Variants in NEO1 observed in about 807,000 individuals in gnomAD.
NEO1 encodes neogenin.
A neutral mutation model predicts 159.7 loss-of-function variants in NEO1; 63 were observed. The observed-to-expected ratio is 0.39, with a 90% CI of 0.32 to 0.49. NEO1 has a LOEUF of 0.49. NEO1 is among the 20% of genes least tolerant of loss of function. The pLI is 0.85. For synonymous variants in NEO1, 633 were observed against 662.0 expected (o/e 0.96, Z 0.67); for missense variants, 1,615 against 1,831.0 (o/e 0.88, Z 2.15).
intron 28 of NEO1, 178 bp downstream of exon 28, chr15:73,301,635 T>A: frequency 1.2e-6 from 1 of 804,098 alleles, no homozygotes; most frequent in East Asian, 2.7e-5. Flanking sequence ...CCGGGAACTG[T>A]GCTGAGGACT....
intron 8 of NEO1, among the ~76,000 whole-genome samples, chr15:73,237,565 A>G (rs1176568924): frequency 6.6e-6 from 1 of 152,206 alleles, no homozygotes; most frequent in Admixed American, 6.5e-5. Context: ...GTTGATGTAC[A>G]TTGTAGTTAA....
chr15:73,197,608 C>T (rs1478544706), intron 7 of NEO1, among the ~76,000 whole-genome samples: 1 of 150,970 alleles, frequency 6.6e-6, no homozygotes, highest in South Asian at 2.1e-4. Context: ...CAGCAGGAAA[C>T]ATTTGTGTTG....
At position 73,116,564 on chromosome 15, in the gene NEO1, C is replaced by A. The variant is rs746979885; in HGVS notation, c.155C>A (p.Pro52Gln). The A allele has an allele frequency of 3.4e-5, 52 of 1,537,918 alleles. No homozygotes were observed. The highest frequency in any genetic ancestry group is 4.3e-5 in the Non-Finnish European group (49 of 1,148,092). The change falls in exon 2 of 29, where the codon CCA (proline) becomes CAA (glutamine). Residue 52 changes from proline (P) to glutamine (Q), a missense_variant. Pro to Gln is a moderately conservative substitution (Grantham distance 76). This residue lies in a region of NEO1 where 1,018 missense variants were observed against 1,115.4 expected (regional missense o/e 0.91). Transcript: ENST00000261908. ...SPGASIRTFT[P>Q]FYFLVEPVDT... ...GGAGCCAGCATTCGAACGTTCACTC[C>A]ATTTTATTTTCTGGTGGAGCCGGTG...
chr15:73,224,108 G>C (rs1407740843), intron 7 of NEO1, among the ~76,000 whole-genome samples: 1 of 152,182 alleles, frequency 6.6e-6, no homozygotes, highest in Non-Finnish European at 1.5e-5. Context: ...TGTTATGTTT[G>C]AGGAGGCTGA....
intron 1 of NEO1, among the ~76,000 whole-genome samples, chr15:73,064,491 G>C (rs1054782087): frequency 1.3e-5 from 2 of 152,074 alleles, no homozygotes; most frequent in African/African-American, 4.8e-5. Context: ...TAGAGACATA[G>C]TCTCACTCTG....
intron 26 of NEO1, among the ~76,000 whole-genome samples, chr15:73,294,213 T>C (rs973227361): frequency 6.6e-6 from 1 of 152,228 alleles, no homozygotes; most frequent in Non-Finnish European, 1.5e-5. Flanking sequence ...GAAACCGCAT[T>C]ATCAAACAGT....
chr15:73,152,737 A>C (rs1434223540), intron 5 of NEO1, among the ~76,000 whole-genome samples: 1 of 152,020 alleles, frequency 6.6e-6, no homozygotes, highest in Non-Finnish European at 1.5e-5. Context: ...GTCTGCAGGT[A>C]GATAGTGTTG....
chr15:73,153,680 T>C (rs1295938387), intron 5 of NEO1, among the ~76,000 whole-genome samples: 8 of 152,242 alleles, frequency 5.3e-5, no homozygotes, highest in African/African-American at 1.9e-4. Flanking sequence ...TAAATGTAAA[T>C]AATGCTTTAT....
chr15:73,158,468 G>A lies in NEO1; in HGVS notation c.1016-17935G>A, dbSNP rs556043073. Among the ~76,000 whole-genome samples the A allele has an allele frequency of 2.4e-4, 37 of 151,916 alleles. No individual in the cohort carries two copies. In the Middle Eastern group the frequency reaches 0.01, roughly 42 times the overall value. On this transcript the variant is annotated intron_variant, in intron 5 of 28. Coordinates refer to ENST00000261908, the MANE Select transcript of NEO1 (RefSeq NM_002499.4). Reference sequence around the variant, plus strand: ...GACTGGAGTGCAGTGTGTGGTCATCGCTCACTGCAGCCTTGACTTCCTGGG... The same window carrying A: ...GACTGGAGTGCAGTGTGTGGTCATCACTCACTGCAGCCTTGACTTCCTGGG...
chr15:73,102,504 A>T (rs557177549), intron 1 of NEO1, among the ~76,000 whole-genome samples: 1 of 152,232 alleles, frequency 6.6e-6, no homozygotes, highest in Admixed American at 6.5e-5. Context: ...ATAGGACTAC[A>T]TTAGAGCTGT....
In NEO1 at chr15:73,298,395, T is replaced by C. The variant is rs746270100; in HGVS notation, c.3949T>C (p.Ser1317Pro). 1.2e-6 allele frequency: 2 copies of C among 1,614,082 alleles called. No homozygotes were observed. The highest frequency in any genetic ancestry group is 2.7e-5 in the African/African-American group (2 of 74,936). ...CACTGACACCATGCCAGCCTCTTCG[T>C]CTCAAACATGCTGCACTGATCACCA... is the stretch of plus-strand genomic sequence containing the variant. The part of the protein sequence containing the change: ...PSTDTMPASS[S>P]QTCCTDHQDP... The change falls in exon 27 of 29, where the codon TCT becomes CCT. Residue 1317 changes from serine to proline, a missense_variant. Ser to Pro is a moderately conservative substitution (Grantham distance 74, BLOSUM62 -1). Around this residue, in one of 3 missense-constraint regions of NEO1, gnomAD observed 471 missense variants for 498.9 expected, o/e 0.94. Transcript: ENST00000261908.
intron 5 of NEO1, among the ~76,000 whole-genome samples, chr15:73,163,577 G>T (rs905563022): frequency 2.6e-5 from 4 of 152,014 alleles, no homozygotes; most frequent in African/African-American, 9.7e-5. Flanking sequence ...GTACCTACAG[G>T]ACTATAATCA....
chr15:73,081,125 A>G (rs2069022977), intron 1 of NEO1, among the ~76,000 whole-genome samples: 1 of 152,138 alleles, frequency 6.6e-6, no homozygotes, highest in South Asian at 2.1e-4. Context: ...GCGTTGCTGT[A>G]ACTTGGGTTT....
At chr15:73,239,654 GC>G (rs2039390900) in intron 8 of NEO1, among the ~76,000 whole-genome samples, 7 of 152,236 alleles carry the variant, frequency 4.6e-5, no homozygotes, top group Admixed American at 3.9e-4. Flanking sequence ...CAGGTTCGTA[GC>G]CTAGAAGCAA....
In NEO1 at chr15:73,293,389, G is replaced by T; in HGVS notation, c.3743-1G>T. On this transcript the variant is annotated splice_acceptor_variant, in intron 25 of 28. Transcript: ENST00000261908. LOFTEE classifies it high-confidence loss of function. ...TTTCTCTGTCTTGTGTTCATTCACA[G>T]CTGTGATTAGTGCCCATCCCATCCA... 2 of 1,614,084 alleles carry T rather than the reference G, an allele frequency of 1.2e-6. No individual in the cohort carries two copies. Among genetic ancestry groups the T allele is most frequent in the South Asian group, 1.1e-5 (1 of 91,072 alleles).
chr15:73,303,348 A>G lies in NEO1; in HGVS notation c.*652A>G, dbSNP rs3209619. ...GCATTGCTGTTTGTAAGCTTTTTTT[A>G]TTATTTTTTTATTATAATTATTAAA... On this transcript the variant is annotated 3_prime_UTR_variant, in exon 29 of 29. Coordinates refer to ENST00000261908, the MANE Select transcript of NEO1 (RefSeq NM_002499.4). 3 of 152,176 alleles carry G rather than the reference A, an allele frequency of 2.0e-5. No homozygotes were observed. Among genetic ancestry groups the G allele is most frequent in the South Asian group, 4.2e-4 (2 of 4,810 alleles). The allele number at this position is 152,176 out of a possible 1,614,324, so 9.4% of individuals were successfully genotyped here.
At chr15:73,226,744 TAAC>T (rs1402043363) in intron 7 of NEO1, among the ~76,000 whole-genome samples, 1 of 152,180 alleles carries the variant, frequency 6.6e-6, no homozygotes, top group Non-Finnish European at 1.5e-5. Flanking sequence ...TCCTGGGAAA[TAAC>T]AATTTAGTAG....
chr15:73,257,265 TAAAA>T (rs10670933), intron 13 of NEO1, among the ~76,000 whole-genome samples: 1 of 143,150 alleles, frequency 7.0e-6, no homozygotes, highest in Non-Finnish European at 1.5e-5. Context: ...TTGTTGCTGT[TAAAA>T]AAAAAAAAAA....
intron 25 of NEO1, among the ~76,000 whole-genome samples, chr15:73,291,111 G>A (rs1292652868): frequency 6.6e-6 from 1 of 152,234 alleles, no homozygotes; most frequent in East Asian, 1.9e-4. Context: ...CCTCTTACAA[G>A]AGGTGCCCTG....
Sources: allele counts gnomAD v4.1 joint callset (sites outside exome capture counted in the v4.1 genomes callset), GRCh38; gene constraint gnomAD v4.1.1; regional missense constraint gnomAD v4.1.1; transcripts MANE v1.5; gene names NCBI Gene and HGNC (gene_info 2026-07-23, HGNC 2026-07-21).